RANBP9: variants seen among roughly 807,000 people sequenced by gnomAD.
RANBP9 encodes the protein RAN binding protein 9, also known as ran-binding protein 9.
Under a neutral mutation model 84.3 loss-of-function variants are expected in RANBP9, and 15 were observed. The observed-to-expected ratio is 0.18, with a 90% confidence interval of 0.12 to 0.27. The LOEUF (loss-of-function observed/expected upper bound fraction) is 0.27. Among genes scored for constraint, RANBP9 ranks in the 10% least tolerant of loss-of-function variants. The pLI, the probability that RANBP9 is intolerant of heterozygous loss-of-function variation, is 1.00. For missense variants in RANBP9, 809 were observed against 912.8 expected, an observed-to-expected ratio of 0.89 and a Z score of 1.46; for synonymous variants, 392 against 349.6, an observed-to-expected ratio of 1.12 and a Z score of -1.35.
intron 11 of RANBP9, among the ~76,000 whole-genome samples, chr6:13,634,162 C>T (rs1002060147): frequency 3.9e-5 from 6 of 152,162 alleles, no homozygotes; most frequent in Admixed American, 3.3e-4. Flanking sequence ...GGCTCAACAC[C>T]AGTAAGTCAG....
intron 2 of RANBP9, among the ~76,000 whole-genome samples, chr6:13,693,265 T>C (rs1174134502): frequency 6.6e-6 from 1 of 152,154 alleles, no homozygotes; most frequent in Non-Finnish European, 1.5e-5. Context: ...GAACTCCAAA[T>C]GGTACCTTAT....
intron 5 of RANBP9, among the ~76,000 whole-genome samples, chr6:13,649,071 A>G (rs1470822980): frequency 1.3e-5 from 2 of 152,202 alleles, no homozygotes; most frequent in Non-Finnish European, 2.9e-5. Context: ...CTGCAAATAT[A>G]CTTTCTCTCA....
At chr6:13,699,841 T>C (rs1394822092) in intron 1 of RANBP9, among the ~76,000 whole-genome samples, 1 of 152,084 alleles carries the variant, frequency 6.6e-6, no homozygotes, top group Non-Finnish European at 1.5e-5. Flanking sequence ...GCCTGAGCAA[T>C]AGAGTGAGAC....
rs145274797 is a variant in RANBP9, at chr6:13,705,269, T to G, written c.571+5666A>C. Among the ~76,000 whole-genome samples, 1,205 of 151,646 alleles carry G rather than the reference T, an allele frequency of 7.9e-3. 9 individuals carry two copies. Among genetic ancestry groups the G allele is most frequent in the Non-Finnish European group, 0.013 (866 of 67,892 alleles). The stretch of plus-strand genomic sequence containing the variant: ...ATATACAAAAATTAGCCAGGCGTGG[T>G]GGCAGGCGCTTGTAATCCCGGCTAC... On this transcript the variant is annotated intron_variant, in intron 1 of 13. Transcript: ENST00000011619.
intron 2 of RANBP9, among the ~76,000 whole-genome samples, chr6:13,685,760 TC>T (rs1314357269): frequency 6.6e-6 from 1 of 151,910 alleles, no homozygotes; most frequent in Non-Finnish European, 1.5e-5. Flanking sequence ...AAACCCTGTC[TC>T]TACTGAAAAT....
chr6:13,674,626 T>G (rs1765848773), intron 2 of RANBP9, among the ~76,000 whole-genome samples: 1 of 152,196 alleles, frequency 6.6e-6, no homozygotes, highest in Non-Finnish European at 1.5e-5. Flanking sequence ...CAGGCACAAG[T>G]GTTTCTTCTG....
Position 13,622,159 on chromosome 6 carries a change from AG to A in RANBP9, c.*202del, listed in dbSNP as rs1764468354. On this transcript the variant is annotated 3_prime_UTR_variant, in exon 14 of 14. Coordinates refer to ENST00000011619, the MANE Select transcript of RANBP9 (RefSeq NM_005493.3). ...AATATTTAACTCTTAGACAACTAAG[AG>A]GTTAAAGATGGAAAATAATTTCTCC... 7.5e-6 allele frequency: 3 copies of A among 397,552 alleles called. No homozygotes were observed. Among genetic ancestry groups the A allele is most frequent in the Non-Finnish European group, 8.4e-6 (2 of 238,618 alleles). The allele number at this position is 397,552 out of a possible 1,614,324, so 24.6% of individuals were successfully genotyped here.
At chr6:13,698,962 C>T (rs16874298) in intron 1 of RANBP9, among the ~76,000 whole-genome samples, 3,069 of 152,096 alleles carry the variant, frequency 0.02, 46 homozygotes, top group Non-Finnish European at 0.031. Context: ...ACTACTTCTA[C>T]GGGAAAAGAG....
chr6:13,701,311 C>G (rs981427712), intron 1 of RANBP9, among the ~76,000 whole-genome samples: 3 of 152,190 alleles, frequency 2.0e-5, no homozygotes, highest in Admixed American at 6.5e-5. Flanking sequence ...CTGCTATGAA[C>G]TAATGATGTC....
intron 6 of RANBP9, 73 bp from the exon 7 acceptor site, chr6:13,642,664 CAA>C: frequency 9.6e-7 from 1 of 1,036,830 alleles, no homozygotes; most frequent in Admixed American, 2.4e-5. Flanking sequence ...TTTATATAAA[CAA>C]AATCTATTCT....
intron 1 of RANBP9, among the ~76,000 whole-genome samples, chr6:13,698,466 A>G (rs1456765000): frequency 6.6e-6 from 1 of 152,238 alleles, no homozygotes; most frequent in Non-Finnish European, 1.5e-5. Flanking sequence ...CAAATAATTA[A>G]GTTACCTGAG....
At chr6:13,646,094 G>C (rs1218998481) in intron 5 of RANBP9, among the ~76,000 whole-genome samples, 5 of 152,168 alleles carry the variant, frequency 3.3e-5, no homozygotes, top group African/African-American at 1.2e-4. Flanking sequence ...TTTCACCAAT[G>C]AGAAAACTGA....
intron 4 of RANBP9, among the ~76,000 whole-genome samples, chr6:13,656,059 A>C (rs762448931): frequency 6.6e-6 from 1 of 152,210 alleles, no homozygotes; most frequent in Non-Finnish European, 1.5e-5. Context: ...TGCTAAGCTG[A>C]ATATGAAAAA....
At position 13,711,623 on chromosome 6, in the gene RANBP9, G is replaced by T; in HGVS notation, c.-118C>A. ...GGCGCCCAGTCCGCCCGCCCCGGAA[G>T]CAGGCGGCGGGCCGCGCGCCCAGGG... On this transcript the variant is annotated 5_prime_UTR_variant, in exon 1 of 14. Coordinates refer to ENST00000011619, the MANE Select transcript of RANBP9 (RefSeq NM_005493.3). 9.9e-7 allele frequency: 1 copy of T among 1,007,314 alleles called. No homozygotes were observed. Among genetic ancestry groups the T allele is most frequent in the Admixed American group, 4.7e-5 (1 of 21,362 alleles). 62.4% of individuals were successfully genotyped at this position (1,007,314 alleles called of 1,614,324 possible). A position where few individuals can be genotyped will look rare whatever the true frequency, so the allele number is the denominator to read the frequency against.
At chr6:13,626,509 C>T (rs948761351) in intron 12 of RANBP9, among the ~76,000 whole-genome samples, 3 of 152,168 alleles carry the variant, frequency 2.0e-5, no homozygotes, top group African/African-American at 7.2e-5. Flanking sequence ...GCCCTATTTC[C>T]TAGATTTGTA....
intron 2 of RANBP9, among the ~76,000 whole-genome samples, chr6:13,671,239 C>A (rs914961711): frequency 7.9e-5 from 12 of 152,088 alleles, no homozygotes; most frequent in African/African-American, 2.9e-4. Flanking sequence ...TTTGGAAAAC[C>A]GTCTGGCAGC....
chr6:13,629,927 T>TC (rs1275995460), intron 12 of RANBP9, among the ~76,000 whole-genome samples: 1 of 151,512 alleles, frequency 6.6e-6, no homozygotes, highest in Non-Finnish European at 1.5e-5. Context: ...CTCTCGTGTG[T>TC]GTGTGTGTGT....
intron 1 of RANBP9, among the ~76,000 whole-genome samples, chr6:13,701,689 G>C (rs981983037): frequency 1.3e-5 from 2 of 151,446 alleles, no homozygotes; most frequent in African/African-American, 4.9e-5. Flanking sequence ...AGAATGGCTT[G>C]AACCCTGGAG....
intron 10 of RANBP9, among the ~76,000 whole-genome samples, chr6:13,636,717 A>T (rs1444783011): frequency 1.3e-5 from 2 of 152,220 alleles, no homozygotes; most frequent in Non-Finnish European, 2.9e-5. Flanking sequence ...GCTGTGAAAG[A>T]CGATTTTTCT....
Sources: allele counts gnomAD v4.1 joint callset (sites outside exome capture counted in the v4.1 genomes callset), GRCh38; gene constraint gnomAD v4.1.1; transcripts MANE v1.5; gene names NCBI Gene and HGNC (gene_info 2026-07-23, HGNC 2026-07-21).